Variants in PRDM6 observed in about 807,000 individuals in gnomAD.
PRDM6 encodes the protein putative histone-lysine N-methyltransferase PRDM6.
In PRDM6, 25 loss-of-function variants were observed where a neutral mutation model predicts 60.8. That is an observed-to-expected ratio of 0.41 (90% CI 0.30 to 0.57). The LOEUF is 0.57. Among genes scored for constraint, PRDM6 ranks in the 20% least tolerant of loss-of-function variants. The pLI is 0.27. For synonymous variants in PRDM6, 407 were observed against 357.4 expected, an observed-to-expected ratio of 1.14 and a Z score of -1.57; for missense variants, 839 against 821.3, an observed-to-expected ratio of 1.02 and a Z score of -0.26.
chr5:123,189,659 C>T lies in PRDM6; in HGVS notation c.*2458C>T, dbSNP rs1766367377. 1 of 152,114 alleles carries T rather than the reference C, an allele frequency of 6.6e-6. No homozygotes were observed. The highest frequency in any genetic ancestry group is 2.1e-4 in the South Asian group (1 of 4,814). 9.4% of individuals were successfully genotyped at this position (152,114 alleles called of 1,614,324 possible). A position where few individuals can be genotyped will look rare whatever the true frequency, so the allele number is the denominator to read the frequency against. The stretch of plus-strand genomic sequence containing the variant: ...AGAGAAATTGTTGGCATATATATTC[C>T]ACCAAATTTGGTCAGAAAATATTTT... On this transcript the variant is annotated 3_prime_UTR_variant, in exon 8 of 8. Transcript: ENST00000407847.
chr5:123,154,133 G>GT (rs986156529), intron 3 of PRDM6, among the ~76,000 whole-genome samples: 2 of 152,088 alleles, frequency 1.3e-5, no homozygotes, highest in African/African-American at 2.4e-5. Flanking sequence ...ATCTTAACTA[G>GT]TTTTTTTAGA....
chr5:123,106,751 A>G (rs532355718), intron 3 of PRDM6, among the ~76,000 whole-genome samples: 1 of 152,372 alleles, frequency 6.6e-6, no homozygotes, highest in African/African-American at 2.4e-5. Context: ...AGCCTGGACA[A>G]CAATTCATTT....
At chr5:123,103,850 C>G (rs1365736481) in intron 3 of PRDM6, among the ~76,000 whole-genome samples, 1 of 151,968 alleles carries the variant, frequency 6.6e-6, no homozygotes, top group African/African-American at 2.4e-5. Context: ...GAAATTTTAG[C>G]AAGAATGACA....
intron 6 of PRDM6, chr5:123,173,340 T>C (rs1213692995): frequency 6.0e-6 from 1 of 166,594 alleles, no homozygotes; most frequent in African/African-American, 2.4e-5. Context: ...CAGTGGGAGA[T>C]TGTTAGGTCT....
intron 4 of PRDM6, among the ~76,000 whole-genome samples, chr5:123,159,176 T>C (rs1163419499): frequency 1.3e-5 from 2 of 152,234 alleles, no homozygotes; most frequent in East Asian, 3.8e-4. Context: ...GGGGCACCAG[T>C]GTCTTTGCAA....
intron 5 of PRDM6, among the ~76,000 whole-genome samples, chr5:123,169,703 T>A (rs1459755167): frequency 6.6e-6 from 1 of 152,204 alleles, no homozygotes; most frequent in Admixed American, 6.5e-5. Context: ...GTTCCATACT[T>A]GCCCAAGGCT....
At chr5:123,130,363 T>A (rs1011120526) in intron 3 of PRDM6, among the ~76,000 whole-genome samples, 12 of 137,942 alleles carry the variant, frequency 8.7e-5, no homozygotes, top group Admixed American at 7.5e-4. Context: ...CTTTTTTTCT[T>A]CCCTCCTCCT....
intron 3 of PRDM6, among the ~76,000 whole-genome samples, chr5:123,109,079 T>G (rs1764253475): frequency 6.6e-6 from 1 of 152,204 alleles, no homozygotes; most frequent in South Asian, 2.1e-4. Flanking sequence ...TCATATATTT[T>G]ATAGCACGTG....
At chr5:123,101,278 G>C (rs1580478258) in intron 3 of PRDM6, among the ~76,000 whole-genome samples, 1 of 152,246 alleles carries the variant, frequency 6.6e-6, no homozygotes, top group Non-Finnish European at 1.5e-5. Flanking sequence ...CCTGAGGCCT[G>C]TGTCTGCAAA....
intron 3 of PRDM6, among the ~76,000 whole-genome samples, chr5:123,122,664 A>G (rs1764607111): frequency 6.6e-6 from 1 of 152,194 alleles, no homozygotes; most frequent in Admixed American, 6.5e-5. Flanking sequence ...TTGCTACAGA[A>G]AACTGGGAAG....
chr5:123,091,468 C>T (rs1160724718), intron 2 of PRDM6, among the ~76,000 whole-genome samples: 1 of 152,224 alleles, frequency 6.6e-6, no homozygotes, highest in Non-Finnish European at 1.5e-5. Flanking sequence ...CATCAGAATT[C>T]CTGTAGCTTC....
Position 123,189,418 on chromosome 5 carries a change from A to G in PRDM6, c.*2217A>G, listed in dbSNP as rs1316272998. On this transcript the variant is annotated 3_prime_UTR_variant, in exon 8 of 8. Transcript: ENST00000407847. ...CACAGTGGAACACCATGTACTACTCAGTTCTCATGAGCTTCAGAACGTGGG... is the reference window on the plus strand; with the variant it reads ...CACAGTGGAACACCATGTACTACTCGGTTCTCATGAGCTTCAGAACGTGGG... The G allele has an allele frequency of 1.3e-5, 2 of 152,072 alleles. No homozygotes were observed. The highest frequency in any genetic ancestry group is 6.5e-5 in the Admixed American group (1 of 15,270). The allele number at this position is 152,072 out of a possible 1,614,324, so 9.4% of individuals were successfully genotyped here.
intron 3 of PRDM6, among the ~76,000 whole-genome samples, chr5:123,128,537 T>A (rs1169623164): frequency 6.6e-6 from 1 of 152,270 alleles, no homozygotes; most frequent in African/African-American, 2.4e-5. Context: ...GAGGATTTTT[T>A]CATGTGTCGT....
intron 3 of PRDM6, among the ~76,000 whole-genome samples, chr5:123,125,801 G>C (rs1291631667): frequency 6.6e-6 from 1 of 152,208 alleles, no homozygotes; most frequent in South Asian, 2.1e-4. Flanking sequence ...TTCCCCAAAA[G>C]AGTCTCATTG....
chr5:123,150,300 A>G (rs1765344971), intron 3 of PRDM6, among the ~76,000 whole-genome samples: 2 of 152,118 alleles, frequency 1.3e-5, no homozygotes, highest in Admixed American at 1.3e-4. Context: ...TGACACCCAC[A>G]TGCAAGCTCT....
At chr5:123,130,029 CCCTTCCCTGTCCTTT>C (rs1764785296) in intron 3 of PRDM6, among the ~76,000 whole-genome samples, 1 of 148,926 alleles carries the variant, frequency 6.7e-6, no homozygotes, top group Non-Finnish European at 1.5e-5. Flanking sequence ...CCCTTCCCTT[CCCTTCCCTGTCCTTT>C]CCTTCCCTTC....
At chr5:123,186,914 T>C (rs1766300843) in intron 7 of PRDM6, among the ~76,000 whole-genome samples, 173 bp from the exon 8 acceptor site, 1 of 152,216 alleles carries the variant, frequency 6.6e-6, no homozygotes, top group African/African-American at 2.4e-5. Flanking sequence ...TCAGACGGGC[T>C]TTGTCCCATC....
intron 3 of PRDM6, among the ~76,000 whole-genome samples, chr5:123,140,895 A>C (rs1172741039): frequency 3.3e-5 from 5 of 152,044 alleles, no homozygotes; most frequent in Admixed American, 3.3e-4. Flanking sequence ...ATTATTTTTA[A>C]AGTTGTTTAC....
chr5:123,093,945 A>G (rs1763900501), intron 2 of PRDM6, among the ~76,000 whole-genome samples: 1 of 151,248 alleles, frequency 6.6e-6, no homozygotes, highest in South Asian at 2.1e-4. Flanking sequence ...GAGTTGGACC[A>G]CTTTGCAAAT....
Sources: allele counts gnomAD v4.1 joint callset (sites outside exome capture counted in the v4.1 genomes callset), GRCh38; gene constraint gnomAD v4.1.1; transcripts MANE v1.5; gene names NCBI Gene and HGNC (gene_info 2026-07-23, HGNC 2026-07-21).